Variants in SLC35A5 observed in about 807,000 individuals in gnomAD.
The protein encoded by SLC35A5 is solute carrier family 35 member A5, also known as UDP-sugar transporter protein SLC35A5.
A neutral mutation model predicts 36.3 loss-of-function variants in SLC35A5; 28 were observed. The ratio of observed to expected loss-of-function variants is 0.77; its 90% CI spans 0.57 to 1.06. The LOEUF is 1.06. SLC35A5 is among the 50% of genes least tolerant of loss of function. The probability of loss-of-function intolerance (pLI) is 0.00; values close to 1 mark genes in which losing one functional copy is unlikely to be tolerated. For missense variants in SLC35A5, 521 were observed against 499.3 expected, an observed-to-expected ratio of 1.04 and a Z score of -0.41; for synonymous variants, 180 against 173.7, an observed-to-expected ratio of 1.04 and a Z score of -0.29.
At chr3:112,569,343 G>A (rs1179533162) in intron 3 of SLC35A5, 74 bp downstream of exon 3, 3 of 1,134,884 alleles carry the variant, frequency 2.6e-6, no homozygotes, top group South Asian at 2.6e-5. Flanking sequence ...GGAACATTTT[G>A]TATCATTTAG....
At position 112,582,854 on chromosome 3, in the gene SLC35A5, C is replaced by A; in HGVS notation, c.*118C>A. 1.1e-6 allele frequency: 1 copy of A among 869,976 alleles called. No homozygotes were observed. The highest frequency in any genetic ancestry group is 1.8e-6 in the Non-Finnish European group (1 of 556,238). The allele number at this position is 869,976 out of a possible 1,614,324, so 53.9% of individuals were successfully genotyped here. ...TGTTTCTAAATCCTAATATTCTTTG[C>A]ATATATCTAGCTACTCCCTAAATGG... On this transcript the variant is annotated 3_prime_UTR_variant, in exon 7 of 7. Coordinates refer to ENST00000492406, the MANE Select transcript of SLC35A5 (RefSeq NM_017945.5).
chr3:112,561,913 T>C (rs1273178591), upstream of SLC35A5: 7 of 236,720 alleles, frequency 3.0e-5, no homozygotes, highest in Non-Finnish European at 5.0e-5. Flanking sequence ...TTCCCTTCCT[T>C]CTCACTCTCT....
chr3:112,564,140 T>C (rs1211659218), intron 2 of SLC35A5: 1 of 152,096 alleles, frequency 6.6e-6, no homozygotes, highest in Non-Finnish European at 1.5e-5. Flanking sequence ...AACGAGAGAC[T>C]TGGAAAAGAA....
chr3:112,581,025 G>A lies in SLC35A5; in HGVS notation c.908G>A (p.Ser303Asn). 1 of 1,614,112 alleles carries A rather than the reference G, an allele frequency of 6.2e-7. No individual in the cohort carries two copies. The highest frequency in any genetic ancestry group is 8.5e-7 in the Non-Finnish European group (1 of 1,179,970). Reference protein sequence around the residue: ...IKNCGFFYGHSAFSVALIFVT... With the variant: ...IKNCGFFYGHNAFSVALIFVT... Reference sequence around the variant, plus strand: ...AACTGTGGATTTTTTTATGGCCACAGTGCATTTTCAGTAGCCCTTATTTTT... The same window carrying A: ...AACTGTGGATTTTTTTATGGCCACAATGCATTTTCAGTAGCCCTTATTTTT... The change falls in exon 6 of 7, where the codon AGT becomes AAT. Residue 303 changes from serine (S) to asparagine (N), a missense_variant. Physicochemically the swap from Ser to Asn is conservative, Grantham distance 46. Coordinates refer to ENST00000492406, the MANE Select transcript of SLC35A5 (RefSeq NM_017945.5).
chr3:112,572,197 C>CCCATGTAA (rs1934478524), intron 4 of SLC35A5, among the ~76,000 whole-genome samples: 6 of 151,680 alleles, frequency 4.0e-5, no homozygotes, highest in African/African-American at 1.4e-4. Flanking sequence ...CCGCCTCGGC[C>CCCATGTAA]TCCCAAAGTG....
chr3:112,577,299 G>C (rs1402138815), intron 5 of SLC35A5, among the ~76,000 whole-genome samples: 1 of 152,036 alleles, frequency 6.6e-6, no homozygotes, highest in Non-Finnish European at 1.5e-5. Context: ...TAGATTATTA[G>C]CATGTTATTT....
rs376338956 is a variant in SLC35A5, at chr3:112,579,644, T to C, written c.429-902T>C. 2.6e-3 allele frequency among the ~76,000 whole-genome samples: 394 copies of C among 152,292 alleles called. 1 individual carries two copies. Among genetic ancestry groups the C allele is most frequent in the African/African-American group, 9.1e-3 (379 of 41,574 alleles). Reference sequence around the variant, plus strand: ...ATCTTCTAGCTCAAGTGTCATTTCCTCTTTGAAGCAATACCTGACTATTTA... The same window carrying C: ...ATCTTCTAGCTCAAGTGTCATTTCCCCTTTGAAGCAATACCTGACTATTTA... On this transcript the variant is annotated intron_variant, in intron 5 of 6. Coordinates refer to ENST00000492406, the MANE Select transcript of SLC35A5 (RefSeq NM_017945.5).
At chr3:112,580,046 C>T (rs529283646) in intron 5 of SLC35A5, among the ~76,000 whole-genome samples, 1 of 152,320 alleles carries the variant, frequency 6.6e-6, no homozygotes, top group South Asian at 2.1e-4. Context: ...GGATCTAGAG[C>T]TAACCTTCTC....
At chr3:112,561,576 G>C (rs746807229), upstream of SLC35A5, 1 of 1,575,912 alleles carries the variant, frequency 6.3e-7, no homozygotes, top group Non-Finnish European at 8.6e-7. Flanking sequence ...GGAAAGTGCA[G>C]CCGTGTCAGG....
At chr3:112,572,789 C>T (rs533604661) in intron 4 of SLC35A5, among the ~76,000 whole-genome samples, 1 of 152,298 alleles carries the variant, frequency 6.6e-6, no homozygotes, top group South Asian at 2.1e-4. Context: ...AAAGAGTATT[C>T]AGAATTTTCA....
At chr3:112,574,428 A>T (rs1360918023) in intron 5 of SLC35A5, among the ~76,000 whole-genome samples, 1 of 152,220 alleles carries the variant, frequency 6.6e-6, no homozygotes, top group African/African-American at 2.4e-5. Flanking sequence ...GAATCTAGTC[A>T]AAATTATAGT....
upstream of SLC35A5, chr3:112,561,872 C>T (rs1443455733): frequency 6.9e-6 from 2 of 290,530 alleles, no homozygotes; most frequent in Non-Finnish European, 1.3e-5. Context: ...GCTGTCTGTC[C>T]TCGCTTTGCT....
chr3:112,566,470 G>A (rs1308309223), intron 2 of SLC35A5, among the ~76,000 whole-genome samples: 2 of 152,236 alleles, frequency 1.3e-5, no homozygotes, highest in African/African-American at 4.8e-5. Flanking sequence ...TTAAGGAACA[G>A]AGAGAGGACT....
chr3:112,567,437 C>T (rs1471649912), intron 2 of SLC35A5, among the ~76,000 whole-genome samples: 1 of 152,040 alleles, frequency 6.6e-6, no homozygotes, highest in Non-Finnish European at 1.5e-5. Flanking sequence ...AGATTACAGG[C>T]ATGTGCCACC....
intron 4 of SLC35A5, among the ~76,000 whole-genome samples, chr3:112,573,376 A>ATCAG (rs1433727527): frequency 1.3e-5 from 2 of 152,214 alleles, no homozygotes; most frequent in Non-Finnish European, 2.9e-5. Flanking sequence ...AACAACTTGA[A>ATCAG]TCAGTGCGCA....
intron 2 of SLC35A5, among the ~76,000 whole-genome samples, chr3:112,566,951 G>A (rs1934222205): frequency 6.6e-6 from 1 of 152,206 alleles, no homozygotes; most frequent in African/African-American, 2.4e-5. Flanking sequence ...GATACACTGG[G>A]TGTGGTGGCT....
intron 5 of SLC35A5, among the ~76,000 whole-genome samples, chr3:112,574,551 C>T (rs1216720726): frequency 6.6e-6 from 1 of 152,060 alleles, no homozygotes; most frequent in African/African-American, 2.4e-5. Context: ...CTCTTCAAAG[C>T]AAAAGCCAGA....
In SLC35A5 at chr3:112,581,344, T is replaced by C. The variant is rs34596334; in HGVS notation, c.1209+18T>C. The C allele has an allele frequency of 0.055, 86,117 of 1,558,756 alleles. 2,951 individuals are homozygous for C. The highest frequency in any genetic ancestry group is 0.16 in the Admixed American group (7,696 of 48,052). On this transcript the variant is annotated intron_variant, in intron 6 of 6. Coordinates refer to ENST00000492406, the MANE Select transcript of SLC35A5 (RefSeq NM_017945.5). ...CCAGTGGGGTAAGTTTGTGAGGGTG[T>C]TCCTTTTTGCTTGTTCTTCCCAAAT...
At chr3:112,574,437 G>A (rs1934583491) in intron 5 of SLC35A5, among the ~76,000 whole-genome samples, 1 of 152,116 alleles carries the variant, frequency 6.6e-6, no homozygotes, top group Non-Finnish European at 1.5e-5. Context: ...CAAAATTATA[G>A]TTAAGAAGGA....
Sources: gnomAD v4.1 joint callset for allele counts (sites outside exome capture counted in the v4.1 genomes callset) on GRCh38, gnomAD v4.1.1 for gene constraint, MANE v1.5 for transcripts, NCBI Gene and HGNC (gene_info 2026-07-23, HGNC 2026-07-21) for gene names.